PCDH9: variants seen among roughly 807,000 people sequenced by gnomAD.
The protein encoded by PCDH9 is protocadherin-9.
In PCDH9, 24 loss-of-function variants were observed where a neutral mutation model predicts 70.6. The ratio of observed to expected loss-of-function variants is 0.34; its 90% CI spans 0.25 to 0.48. The LOEUF is 0.48. Ranked by LOEUF, PCDH9 falls within the 20% of genes least tolerant of loss-of-function variation. The pLI, the probability that PCDH9 is intolerant of heterozygous loss-of-function variation, is 0.99. For missense variants in PCDH9, 1,281 were observed against 1,503.6 expected (o/e 0.85, Z 2.45); for synonymous variants, 562 against 558.5 (o/e 1.01, Z -0.09).
At position 66,797,960 on chromosome 13, in the gene PCDH9, G is replaced by GTGTGTGTGTGT. The variant is rs1555270026; in HGVS notation, c.3138+105543_3138+105544insACACACACACA. On this transcript the variant is annotated intron_variant, in intron 3 of 4. Transcript: ENST00000377865. Reference sequence around the variant, plus strand: ...TGTGTTCTGTTTTTGTTTCTTGGGGGGTGTGTGTGTGTGTGTGTGTGTGTA... The same window carrying GTGTGTGTGTGT: ...TGTGTTCTGTTTTTGTTTCTTGGGGGTGTGTGTGTGTGTGTGTGTGTGTGTGTGTGTGTGTA... Among the ~76,000 whole-genome samples the GTGTGTGTGTGT allele has an allele frequency of 1.9e-3, 276 of 147,254 alleles. 1 individual carries two copies. The highest frequency in any genetic ancestry group is 6.4e-3 in the African/African-American group (256 of 40,020).
intron 2 of PCDH9, among the ~76,000 whole-genome samples, chr13:66,946,748 A>G (rs74741816): frequency 4.9e-4 from 75 of 152,174 alleles, no homozygotes; most frequent in South Asian, 1.7e-3. Context: ...CACAAATTGT[A>G]TATATTTTAG....
intron 4 of PCDH9, among the ~76,000 whole-genome samples, chr13:66,513,369 T>C (rs1959582752): frequency 1.3e-5 from 2 of 152,098 alleles, no homozygotes; most frequent in South Asian, 4.1e-4. Flanking sequence ...CTGTATTATA[T>C]GTTTAAGCTA....
intron 4 of PCDH9, among the ~76,000 whole-genome samples, chr13:66,385,350 A>C (rs940518328): frequency 1.3e-5 from 2 of 152,224 alleles, no homozygotes; most frequent in Non-Finnish European, 2.9e-5. Context: ...TGAAAAATGA[A>C]GAATATGTGC....
intron 4 of PCDH9, among the ~76,000 whole-genome samples, chr13:66,445,023 G>A (rs1958044242): frequency 6.8e-6 from 1 of 147,668 alleles, no homozygotes. Context: ...AACACACGAT[G>A]ATTGTGGTGA....
intron 4 of PCDH9, among the ~76,000 whole-genome samples, chr13:66,504,815 C>A (rs779414386): frequency 6.6e-6 from 1 of 152,256 alleles, no homozygotes; most frequent in Admixed American, 6.5e-5. Flanking sequence ...ATAAGTAATG[C>A]TTATGAGGTG....
At chr13:66,530,035 C>T (rs1960382064) in intron 4 of PCDH9, among the ~76,000 whole-genome samples, 1 of 152,012 alleles carries the variant, frequency 6.6e-6, no homozygotes, top group South Asian at 2.1e-4. Context: ...ATCTCTCTCT[C>T]CCTGCATATA....
intron 4 of PCDH9, among the ~76,000 whole-genome samples, chr13:66,461,674 G>A (rs2138454454): frequency 6.6e-6 from 1 of 151,860 alleles, no homozygotes; most frequent in East Asian, 1.9e-4. Flanking sequence ...ATTGTTTTAT[G>A]TATATGTATA....
chr13:66,619,502 T>C (rs1198747240), intron 4 of PCDH9, among the ~76,000 whole-genome samples: 1 of 152,230 alleles, frequency 6.6e-6, no homozygotes, highest in Non-Finnish European at 1.5e-5. Context: ...TTCACCATGG[T>C]CATTTTTTAA....
intron 4 of PCDH9, among the ~76,000 whole-genome samples, chr13:66,532,195 G>T (rs1960492285): frequency 6.6e-6 from 1 of 151,584 alleles, no homozygotes; most frequent in Non-Finnish European, 1.5e-5. Flanking sequence ...GTAGAGACAG[G>T]GTCTCACTAT....
intron 3 of PCDH9, among the ~76,000 whole-genome samples, chr13:66,778,185 T>C (rs1222696157): frequency 6.6e-6 from 1 of 151,566 alleles, no homozygotes; most frequent in Non-Finnish European, 1.5e-5. Flanking sequence ...TAATGCTAAA[T>C]GACAAGTTAA....
intron 2 of PCDH9, among the ~76,000 whole-genome samples, chr13:67,150,097 G>A (rs2087620508): frequency 6.6e-6 from 1 of 151,922 alleles, no homozygotes; most frequent in Non-Finnish European, 1.5e-5. Context: ...TCAGGCTGAC[G>A]TGCAGTGCTC....
chr13:66,776,414 A>C (rs956972435), intron 3 of PCDH9, among the ~76,000 whole-genome samples: 2 of 151,146 alleles, frequency 1.3e-5, no homozygotes, highest in Admixed American at 6.6e-5. Context: ...TTAAGCTGAT[A>C]AGCAACTTCA....
At chr13:67,136,768 ATAG>A (rs1245021050) in intron 2 of PCDH9, among the ~76,000 whole-genome samples, 2 of 143,054 alleles carry the variant, frequency 1.4e-5, no homozygotes, top group African/African-American at 2.6e-5. Context: ...GTTAATAATA[ATAG>A]TTATGTTATA....
intron 2 of PCDH9, among the ~76,000 whole-genome samples, chr13:66,992,948 A>G (rs1256723767): frequency 6.6e-6 from 1 of 152,182 alleles, no homozygotes; most frequent in East Asian, 1.9e-4. Context: ...TAAAATGTAA[A>G]ATAGCAGCAA....
intron 3 of PCDH9, among the ~76,000 whole-genome samples, chr13:66,774,780 T>G (rs946685499): frequency 1.3e-5 from 2 of 152,198 alleles, no homozygotes; most frequent in Non-Finnish European, 2.9e-5. Context: ...CTATTGTGCA[T>G]AATTACAATT....
intron 4 of PCDH9, among the ~76,000 whole-genome samples, chr13:66,383,399 A>G (rs982230443): frequency 1.3e-5 from 2 of 152,096 alleles, no homozygotes; most frequent in African/African-American, 4.8e-5. Flanking sequence ...ATGCTCAGAA[A>G]CGTATCTCCT....
intron 4 of PCDH9, among the ~76,000 whole-genome samples, chr13:66,334,907 C>T (rs1956010095): frequency 6.6e-6 from 1 of 151,982 alleles, no homozygotes; most frequent in Non-Finnish European, 1.5e-5. Flanking sequence ...TATTTTACAG[C>T]ATATTTTTAT....
chr13:66,832,400 A>T (rs1001953809), intron 3 of PCDH9, among the ~76,000 whole-genome samples: 2 of 152,060 alleles, frequency 1.3e-5, no homozygotes, highest in Non-Finnish European at 2.9e-5. Context: ...TTTTCCCTAC[A>T]TTTTATCTTG....
chr13:66,606,759 T>C (rs1238651640), intron 4 of PCDH9, among the ~76,000 whole-genome samples: 3 of 152,148 alleles, frequency 2.0e-5, no homozygotes, highest in Non-Finnish European at 4.4e-5. Context: ...CTGGCATTTT[T>C]TTTTCAGGTA....
Sources: allele counts gnomAD v4.1 joint callset (sites outside exome capture counted in the v4.1 genomes callset), GRCh38; gene constraint gnomAD v4.1.1; transcripts MANE v1.5; gene names NCBI Gene and HGNC (gene_info 2026-07-23, HGNC 2026-07-21).